FILIP1: variants seen among roughly 807,000 people sequenced by gnomAD.
FILIP1 encodes filamin A interacting protein 1.
In FILIP1, 61 loss-of-function variants were observed where a neutral mutation model predicts 102.1. The observed-to-expected ratio is 0.60, with a 90% CI of 0.49 to 0.74. The LOEUF is 0.74. Ranked by LOEUF, FILIP1 falls within the 30% of genes least tolerant of loss-of-function variation. The pLI is 0.00. For missense variants in FILIP1, 1,314 were observed against 1,441.2 expected (o/e 0.91, Z 1.43); for synonymous variants, 491 against 526.9 (o/e 0.93, Z 0.93).
At chr6:75,428,238 T>C (rs958076857) in intron 1 of FILIP1, among the ~76,000 whole-genome samples, 1 of 152,142 alleles carries the variant, frequency 6.6e-6, no homozygotes, top group Admixed American at 6.5e-5. Flanking sequence ...ATATCAGGCA[T>C]ATCTTTGCTT....
At chr6:75,430,850 T>C (rs1267927910) in intron 1 of FILIP1, among the ~76,000 whole-genome samples, 2 of 152,200 alleles carry the variant, frequency 1.3e-5, no homozygotes, top group African/African-American at 4.8e-5. Flanking sequence ...GGTACTCCTG[T>C]TGGTCCCTAA....
At chr6:75,382,336 G>A (rs1180490102) in intron 2 of FILIP1, among the ~76,000 whole-genome samples, 2 of 152,182 alleles carry the variant, frequency 1.3e-5, no homozygotes, top group Non-Finnish European at 2.9e-5. Context: ...CTTTGAAGTA[G>A]ATAAAATATG....
At chr6:75,329,193 T>C (rs1773979687) in intron 4 of FILIP1, among the ~76,000 whole-genome samples, 1 of 152,224 alleles carries the variant, frequency 6.6e-6, no homozygotes, top group Admixed American at 6.5e-5. Flanking sequence ...CTTGGAACAC[T>C]TGTCAATCTG....
intron 6 of FILIP1, among the ~76,000 whole-genome samples, chr6:75,298,913 G>A (rs1257633804): frequency 1.3e-5 from 2 of 151,650 alleles, no homozygotes; most frequent in Non-Finnish European, 2.9e-5. Flanking sequence ...GAGAGACTCA[G>A]TCTCAAAAAA....
chr6:75,346,534 AGATAAGCAACATGCTCCTAGTTCC>A lies in FILIP1; in HGVS notation c.629+6981_629+7004del, dbSNP rs1774591686. Among the ~76,000 whole-genome samples the A allele has an allele frequency of 2.6e-5, 4 of 152,320 alleles. No individual in the cohort carries two copies. In the South Asian group the frequency reaches 8.3e-4, roughly 32 times the overall value. ...TATTTAATCCAGAGGGGTGCCTGGT[AGATAAGCAACATGCTCCTAGTTCC>A]ACAGCACTGATAGTAGGTATGTTAC... On this transcript the variant is annotated intron_variant, in intron 4 of 5. Coordinates refer to ENST00000237172, the MANE Select transcript of FILIP1 (RefSeq NM_015687.5).
chr6:75,359,729 C>A (rs1207318865), intron 3 of FILIP1, among the ~76,000 whole-genome samples: 1 of 152,076 alleles, frequency 6.6e-6, no homozygotes, highest in Non-Finnish European at 1.5e-5. Context: ...TTGAGTCAGA[C>A]AAGTTACTCA....
chr6:75,404,658 G>A (rs1776772936), intron 2 of FILIP1, among the ~76,000 whole-genome samples: 1 of 152,092 alleles, frequency 6.6e-6, no homozygotes, highest in African/African-American at 2.4e-5. Context: ...CTCACTTTCA[G>A]CAGACCATAA....
chr6:75,452,549 T>C (rs993530712), intron 1 of FILIP1, among the ~76,000 whole-genome samples: 19 of 152,302 alleles, frequency 1.2e-4, no homozygotes, highest in African/African-American at 4.6e-4. Flanking sequence ...TGCTATATTA[T>C]TGGATTCCAA....
intron 1 of FILIP1, among the ~76,000 whole-genome samples, chr6:75,457,272 A>T (rs911111432): frequency 2.0e-5 from 3 of 152,240 alleles, no homozygotes; most frequent in Admixed American, 6.5e-5. Flanking sequence ...TTGGCACAAC[A>T]CAAAGACATG....
intron 2 of FILIP1, among the ~76,000 whole-genome samples, chr6:75,397,684 C>T (rs542753057): frequency 2.8e-4 from 42 of 151,978 alleles, no homozygotes; most frequent in African/African-American, 9.9e-4. Context: ...GTTAAGATCC[C>T]TTTCCTTCCA....
chr6:75,372,621 AAAAG>A (rs760896137), intron 2 of FILIP1, among the ~76,000 whole-genome samples: 3,130 of 42,226 alleles, frequency 0.074, 187 homozygotes, highest in South Asian at 0.098. Context: ...GAAAGAAAGA[AAAAG>A]AAAGAAAGAA....
Position 75,373,129 on chromosome 6 carries a change from C to G in FILIP1, c.277-10212G>C, listed in dbSNP as rs143370527. Among the ~76,000 whole-genome samples the G allele has an allele frequency of 2.9e-3, 440 of 152,196 alleles. 2 individuals are homozygous for G. The highest frequency in any genetic ancestry group is 3.8e-3 in the Non-Finnish European group (258 of 68,014). On this transcript the variant is annotated intron_variant, in intron 2 of 5. Coordinates refer to ENST00000237172, the MANE Select transcript of FILIP1 (RefSeq NM_015687.5). Reference sequence around the variant, plus strand: ...AAAAGGAAGGAAATTTTGACATGTACCATAAGATTGGTGAATCTTGAAGAT... The same window carrying G: ...AAAAGGAAGGAAATTTTGACATGTAGCATAAGATTGGTGAATCTTGAAGAT...
chr6:75,423,781 A>T (rs1777548077), intron 1 of FILIP1, among the ~76,000 whole-genome samples: 1 of 152,150 alleles, frequency 6.6e-6, no homozygotes, highest in Non-Finnish European at 1.5e-5. Context: ...AAGCATCTTG[A>T]CAACTTTTTG....
Position 75,397,579 on chromosome 6 carries a change from C to G in FILIP1, c.276+17118G>C, listed in dbSNP as rs893318384. 6.2e-5 allele frequency among the ~76,000 whole-genome samples: 4 copies of G among 64,314 alleles called. No individual in the cohort carries two copies. The South Asian group carries it at 1.5e-3, about 25-fold the overall frequency. 42.2% of individuals were successfully genotyped at this position (64,314 alleles called of 152,430 possible). A position where few individuals can be genotyped will look rare whatever the true frequency, so the allele number is the denominator to read the frequency against. ...ACACACACACACACACACACACACA[C>G]GTATACATATATATATATATATATA... On this transcript the variant is annotated intron_variant, in intron 2 of 5. Transcript: ENST00000237172.
At chr6:75,383,631 A>T (rs923146898) in intron 2 of FILIP1, among the ~76,000 whole-genome samples, 57 of 152,316 alleles carry the variant, frequency 3.7e-4, no homozygotes, top group African/African-American at 1.3e-3. Flanking sequence ...CTCTGTAGAT[A>T]TACAAATGTA....
chr6:75,343,277 C>A (rs1774474980), intron 4 of FILIP1, among the ~76,000 whole-genome samples: 2 of 152,222 alleles, frequency 1.3e-5, no homozygotes, highest in Admixed American at 1.3e-4. Flanking sequence ...TGAGAAAATA[C>A]ATTTCCATTG....
At chr6:75,421,308 G>C (rs1300818147) in intron 1 of FILIP1, among the ~76,000 whole-genome samples, 1 of 152,194 alleles carries the variant, frequency 6.6e-6, no homozygotes, top group East Asian at 1.9e-4. Context: ...GCATCTAAAT[G>C]CTGGCAGTGT....
chr6:75,435,973 C>T (rs2703666), intron 1 of FILIP1, among the ~76,000 whole-genome samples: 152,227 of 152,274 alleles, frequency 1, 76,090 homozygotes, highest in East Asian at 1. Context: ...TGAATTGAAA[C>T]AATGGGATTT....
intron 2 of FILIP1, among the ~76,000 whole-genome samples, chr6:75,412,371 A>T (rs891457128): frequency 2.6e-5 from 4 of 152,152 alleles, no homozygotes; most frequent in African/African-American, 7.2e-5. Context: ...CACAGAGATA[A>T]TTTGACTTCC....
Sources: gnomAD v4.1 joint callset for allele counts (sites outside exome capture counted in the v4.1 genomes callset) on GRCh38, gnomAD v4.1.1 for gene constraint, MANE v1.5 for transcripts, NCBI Gene and HGNC (gene_info 2026-07-23, HGNC 2026-07-21) for gene names.